Variants in P2RX7 observed in about 807,000 individuals in gnomAD.
The protein encoded by P2RX7 is purinergic receptor P2X 7.
Under a neutral mutation model 71.6 loss-of-function variants are expected in P2RX7, and 62 were observed. The observed-to-expected ratio is 0.87, with a 90% CI of 0.71 to 1.07. The LOEUF (loss-of-function observed/expected upper bound fraction) is 1.07. P2RX7 is among the 50% of genes least tolerant of loss of function. The pLI is 0.00. For synonymous variants in P2RX7, 299 were observed against 283.3 expected (o/e 1.06, Z -0.56); for missense variants, 686 against 748.5 (o/e 0.92, Z 0.97).
chr12:121,165,452 TGCCTG>T lies in P2RX7; in HGVS notation c.614+18_614+22del. 1 of 1,604,844 alleles carries T rather than the reference TGCCTG, an allele frequency of 6.2e-7. No individual in the cohort carries two copies. Among genetic ancestry groups the T allele is most frequent in the Non-Finnish European group, 8.5e-7 (1 of 1,171,536 alleles). ...AACTACACCACGTAAGTGCCCAGGCTGCCTGGCTGTCTTAGTTATCTACTGCTGAG... is the reference window on the plus strand; with the variant it reads ...AACTACACCACGTAAGTGCCCAGGCTGCTGTCTTAGTTATCTACTGCTGAG... On this transcript the variant is annotated intron_variant, in intron 6 of 12. Transcript: ENST00000328963.
At chr12:121,136,647 C>CTTTTTTTTTT (rs66894143) in intron 1 of P2RX7, among the ~76,000 whole-genome samples, 1 of 119,250 alleles carries the variant, frequency 8.4e-6, no homozygotes, top group Non-Finnish European at 1.7e-5. Context: ...TTCTTTCTTT[C>CTTTTTTTTTT]TTTTTTTTTT....
At chr12:121,167,108 G>A (rs2136099007) in intron 7 of P2RX7, among the ~76,000 whole-genome samples, 1 of 152,076 alleles carries the variant, frequency 6.6e-6, no homozygotes, top group East Asian at 1.9e-4. Context: ...CTTTCCCTAG[G>A]GGAGTACTAG....
At position 121,170,877 on chromosome 12, in the gene P2RX7, C is replaced by T. The variant is rs1653617; in HGVS notation, c.881+3253C>T. On this transcript the variant is annotated intron_variant, in intron 8 of 12. Transcript: ENST00000328963. ...AAAGAGAAGGAAATTACAGGTTATA[C>T]GAGGTATTTCAGAAAATATAACTTT... Among the ~76,000 whole-genome samples the T allele has an allele frequency of 2.4e-4, 36 of 152,082 alleles. 1 individual carries two copies. The South Asian group carries it at 2.5e-3, about 11-fold the overall frequency.
At chr12:121,159,417 C>CAAAAA (rs397850013) in intron 3 of P2RX7, among the ~76,000 whole-genome samples, 3 of 65,742 alleles carry the variant, frequency 4.6e-5, no homozygotes, top group African/African-American at 1.2e-4. Flanking sequence ...ACTCTGTCTC[C>CAAAAA]AAAAAAAAAA....
chr12:121,141,983 A>T (rs1874992513), intron 1 of P2RX7, among the ~76,000 whole-genome samples: 1 of 152,214 alleles, frequency 6.6e-6, no homozygotes, highest in South Asian at 2.1e-4. Context: ...ATAACACTGG[A>T]TGCTGGGTGT....
Position 121,175,400 on chromosome 12 carries a change from C to G in P2RX7, c.894C>G (p.Tyr298Ter), listed in dbSNP as rs1182029448. 1 of 1,599,434 alleles carries G rather than the reference C, an allele frequency of 6.3e-7. No homozygotes were observed. The highest frequency in any genetic ancestry group is 8.6e-7 in the Non-Finnish European group (1 of 1,168,572). The change falls in exon 9 of 13, where the codon TAC becomes TAG. Residue 298 changes from tyrosine (Y) to a stop codon, truncating the protein, a stop_gained. Transcript: ENST00000328963. LOFTEE classifies it high-confidence loss of function. The stretch of plus-strand genomic sequence containing the variant: ...TTTCTTCCTACAGATACGCCAAGTA[C>G]TACAAGGAAAACAATGTTGAGAAAC... ...YPGYNFRYAK[Y>*]YKENNVEKRT...
chr12:121,157,523 G>C (rs1404803091), intron 3 of P2RX7, among the ~76,000 whole-genome samples: 1 of 152,144 alleles, frequency 6.6e-6, no homozygotes, highest in East Asian at 1.9e-4. Context: ...CCTCCCTTCT[G>C]TCTCCCTTCC....
At chr12:121,183,434 G>A (rs1457567823) in intron 12 of P2RX7, among the ~76,000 whole-genome samples, 1 of 150,566 alleles carries the variant, frequency 6.6e-6, no homozygotes, top group East Asian at 2.0e-4. Context: ...AGCCGGGTGT[G>A]GTGGTGCGCG....
At chr12:121,172,238 T>C (rs956046402) in intron 8 of P2RX7, among the ~76,000 whole-genome samples, 7 of 152,198 alleles carry the variant, frequency 4.6e-5, no homozygotes, top group Non-Finnish European at 7.3e-5. Context: ...ACGTGCTTAC[T>C]ACACAATGTT....
intron 1 of P2RX7, among the ~76,000 whole-genome samples, chr12:121,140,507 G>A (rs1413452454): frequency 6.6e-6 from 1 of 152,180 alleles, no homozygotes. Flanking sequence ...AGAGGCTTGG[G>A]CTAGAATGGG....
rs1876868871 is a variant in P2RX7 at position 121,149,113 on chromosome 12, T to A, written c.126-5672T>A. On this transcript the variant is annotated intron_variant, in intron 1 of 12. Coordinates refer to ENST00000328963, the MANE Select transcript of P2RX7 (RefSeq NM_002562.6). The surrounding 1 kb of genome is among the most constrained non-coding windows in gnomAD (Gnocchi z 4.7). ...GGGCCCATCCCACCTGTGATGCCAG[T>A]GTAAGTCTGTGACAGTCACTCATAT... 1.8e-6 allele frequency: 1 copy of A among 557,140 alleles called. No homozygotes were observed. The highest frequency in any genetic ancestry group is 1.5e-5 in the South Asian group (1 of 68,632). The allele number at this position is 557,140 out of a possible 1,614,324, so 34.5% of individuals were successfully genotyped here. A position where few individuals can be genotyped will look rare whatever the true frequency, so the allele number is the denominator to read the frequency against.
chr12:121,136,021 A>ATATATAT (rs1250639431), intron 1 of P2RX7, among the ~76,000 whole-genome samples: 54 of 16,596 alleles, frequency 3.3e-3, no homozygotes, highest in Non-Finnish European at 0.016. Context: ...AAAAAAAAAA[A>ATATATAT]AAATATATAT....
In P2RX7 at chr12:121,154,917, T is replaced by A. The variant is rs1299939748; in HGVS notation, c.258T>A (p.Ser86Arg). ...ATGGAGTGAAGAAGTTGGTGCACAG[T>A]GTCTTTGACACCGCAGACTACACCT... ...VENGVKKLVHSVFDTADYTFP... is the reference protein window; with the variant it reads ...VENGVKKLVHRVFDTADYTFP... Residue 86 changes from serine (S) to arginine (R), a missense_variant, in exon 2 of 13, where the codon AGT becomes AGA. Transcript: ENST00000328963. The surrounding 1 kb of genome is among the most constrained non-coding windows in gnomAD (Gnocchi z 4.2). 6.2e-7 allele frequency: 1 copy of A among 1,613,908 alleles called. No homozygotes were observed.
chr12:121,140,232 A>T (rs954847995), intron 1 of P2RX7, among the ~76,000 whole-genome samples: 3 of 113,700 alleles, frequency 2.6e-5, no homozygotes, highest in South Asian at 2.6e-4. Context: ...CCTGGAAACA[A>T]GAGGAACAGC....
At chr12:121,171,504 C>T (rs1882181702) in intron 8 of P2RX7, among the ~76,000 whole-genome samples, 2 of 151,528 alleles carry the variant, frequency 1.3e-5, no homozygotes, top group African/African-American at 4.9e-5. Context: ...AGATACTAGT[C>T]ATTGGATTTG....
At chr12:121,167,373 A>T in intron 7 of P2RX7, 115 bp from the exon 8 acceptor site, 2 of 1,220,690 alleles carry the variant, frequency 1.6e-6, no homozygotes, top group Non-Finnish European at 2.3e-6. Flanking sequence ...ATGGTTCTTC[A>T]ATCAGCATTT....
intron 5 of P2RX7, among the ~76,000 whole-genome samples, chr12:121,162,819 C>A (rs549680028): frequency 6.6e-6 from 1 of 152,160 alleles, no homozygotes; most frequent in African/African-American, 2.4e-5. Flanking sequence ...TACCCCCAGA[C>A]CCCCTCCTGT....
intron 1 of P2RX7, among the ~76,000 whole-genome samples, chr12:121,147,768 C>T (rs1000411278): frequency 7.2e-5 from 11 of 152,098 alleles, no homozygotes; most frequent in South Asian, 2.1e-4. Context: ...TGCACCACCA[C>T]GCCCAGCTAA....
At chr12:121,155,181 T>C (rs1009326021) in intron 2 of P2RX7, 21 of 1,486,242 alleles carry the variant, frequency 1.4e-5, no homozygotes, top group Non-Finnish European at 1.9e-5. Context: ...AATAGCCTCA[T>C]GTCCTGGTGC....
Sources: gnomAD v4.1 joint callset for allele counts (sites outside exome capture counted in the v4.1 genomes callset) on GRCh38, gnomAD v4.1.1 for gene constraint, Gnocchi (gnomAD v3.1) non-coding constraint, MANE v1.5 for transcripts, NCBI Gene and HGNC (gene_info 2026-07-23, HGNC 2026-07-21) for gene names.